Variants in RAP1B observed in about 807,000 individuals in gnomAD.
The protein encoded by RAP1B is ras-related protein Rap-1b.
RAP1B carries 1 observed loss-of-function variant against 27.5 expected under a neutral mutation model. The observed-to-expected ratio is 0.04, with a 90% CI of 0.01 to 0.17. The LOEUF is 0.17. RAP1B is among the 10% of genes least tolerant of loss of function. The pLI, the probability that RAP1B is intolerant of heterozygous loss-of-function variation, is 1.00. For missense variants in RAP1B, 84 were observed against 214.8 expected (o/e 0.39, Z 3.81); for synonymous variants, 75 against 73.1 (o/e 1.03, Z -0.13).
At chr12:68,621,544 A>G (rs1182021733) in intron 1 of RAP1B, 6 of 152,210 alleles carry the variant, frequency 3.9e-5, no homozygotes, top group African/African-American at 1.2e-4. Context: ...CTCTGTTTAG[A>G]TGAAAGTGAT....
At chr12:68,619,486 G>T (rs1871247791) in intron 1 of RAP1B, among the ~76,000 whole-genome samples, 1 of 152,132 alleles carries the variant, frequency 6.6e-6, no homozygotes, top group African/African-American at 2.4e-5. Context: ...CAAAGTGTCA[G>T]CTAGACCAAT....
chr12:68,638,986 T>TA (rs1872813131), intron 1 of RAP1B, among the ~76,000 whole-genome samples: 1 of 152,190 alleles, frequency 6.6e-6, no homozygotes, highest in Non-Finnish European at 1.5e-5. Context: ...ATTCCATTTA[T>TA]GTTTAATTCT....
intron 1 of RAP1B, among the ~76,000 whole-genome samples, chr12:68,616,851 C>T (rs989850198): frequency 6.6e-6 from 1 of 151,964 alleles, no homozygotes; most frequent in East Asian, 2.0e-4. Flanking sequence ...AGGCATGAGC[C>T]ACTGTGCCTG....
chr12:68,654,402 C>G (rs540340201), intron 5 of RAP1B, 150 bp downstream of exon 5: 7 of 601,802 alleles, frequency 1.2e-5, no homozygotes, highest in South Asian at 1.1e-4. Flanking sequence ...GGCAAAAATA[C>G]CCATACATGT....
intron 1 of RAP1B, among the ~76,000 whole-genome samples, chr12:68,620,883 G>T (rs373548135): frequency 6.6e-6 from 1 of 152,062 alleles, no homozygotes; most frequent in Non-Finnish European, 1.5e-5. Context: ...CCACCGCACC[G>T]GTCTGGTTCC....
At position 68,656,242 on chromosome 12, in the gene RAP1B, TTTTGA is replaced by T; in HGVS notation, c.325-58_325-54del. On this transcript the variant is annotated intron_variant, in intron 5 of 7. Coordinates refer to ENST00000250559, the MANE Select transcript of RAP1B (RefSeq NM_001010942.3). ...TTCTTAGATTTGACTCTTAGAATTC[TTTTGA>T]TTTGAATTCATATAGCATATTTACT... is the stretch of plus-strand genomic sequence containing the variant. 6 of 1,407,810 alleles carry T rather than the reference TTTTGA, an allele frequency of 4.3e-6. No individual in the cohort carries two copies. The South Asian group carries it at 6.4e-5, about 15-fold the overall frequency. 87.2% of individuals were successfully genotyped at this position (1,407,810 alleles called of 1,614,324 possible).
intron 1 of RAP1B, among the ~76,000 whole-genome samples, chr12:68,621,050 A>T (rs1871351709): frequency 6.6e-6 from 1 of 152,210 alleles, no homozygotes; most frequent in Admixed American, 6.5e-5. Flanking sequence ...ATGGAGAGAA[A>T]AGATAATTCA....
intron 1 of RAP1B, among the ~76,000 whole-genome samples, chr12:68,612,562 A>T (rs1226200934): frequency 1.3e-5 from 2 of 152,222 alleles, no homozygotes; most frequent in Admixed American, 1.3e-4. Flanking sequence ...AAGAGACAAC[A>T]TGGAGAAAGA....
At chr12:68,616,711 G>C (rs547970366) in intron 1 of RAP1B, among the ~76,000 whole-genome samples, 1 of 152,192 alleles carries the variant, frequency 6.6e-6, no homozygotes, top group Non-Finnish European at 1.5e-5. Context: ...TGGGATTACA[G>C]GCATGAGCCA....
chr12:68,642,734 G>A lies in RAP1B; in HGVS notation c.-26-5965G>A, dbSNP rs1211417931. On this transcript the variant is annotated intron_variant, in intron 1 of 7. Coordinates refer to ENST00000250559, the MANE Select transcript of RAP1B (RefSeq NM_001010942.3). Reference sequence around the variant, plus strand: ...ATCTTTTTCTTCGGCATCCACCTGCGCAGTATATTTATCCTCTGGCACGGG... The same window carrying A: ...ATCTTTTTCTTCGGCATCCACCTGCACAGTATATTTATCCTCTGGCACGGG... 1.0e-4 allele frequency: 112 copies of A among 1,074,404 alleles called. 1 individual carries two copies. Among genetic ancestry groups the A allele is most frequent in the East Asian group, 1.0e-3 (43 of 42,464 alleles). The allele number at this position is 1,074,404 out of a possible 1,614,324, so 66.6% of individuals were successfully genotyped here.
intron 4 of RAP1B, 54 bp downstream of exon 4, chr12:68,652,105 A>G: frequency 1.5e-6 from 2 of 1,352,594 alleles, no homozygotes; most frequent in Non-Finnish European, 2.1e-6. Context: ...TATTGACTTC[A>G]TAAATGCTAG....
At chr12:68,653,770 AC>A (rs1873991596) in intron 4 of RAP1B, among the ~76,000 whole-genome samples, 1 of 152,012 alleles carries the variant, frequency 6.6e-6, no homozygotes, top group Non-Finnish European at 1.5e-5. Flanking sequence ...CTACCGAAAT[AC>A]AAGAAAAAAA....
chr12:68,640,107 G>A (rs1872893219), intron 1 of RAP1B, among the ~76,000 whole-genome samples: 1 of 152,114 alleles, frequency 6.6e-6, no homozygotes, highest in Admixed American at 6.5e-5. Flanking sequence ...CCAGAGTGCT[G>A]GGATTACAGG....
chr12:68,647,377 T>TCCCCCCCCCCCCC (rs1873489897), intron 1 of RAP1B, among the ~76,000 whole-genome samples: 2 of 3,244 alleles, frequency 6.2e-4, no homozygotes, highest in African/African-American at 2.9e-3. Context: ...TGCCCCCCAC[T>TCCCCCCCCCCCCC]CCACTCCCCG....
At position 68,669,141 on chromosome 12, in the gene RAP1B, A is replaced by G. The variant is rs1480445398; in HGVS notation, c.*9892A>G. ...TGCCAAAAATCAATAGCTTTTCTTT[A>G]TATTTATAAAAAATACCTACAAGTT... is the stretch of plus-strand genomic sequence containing the variant. On this transcript the variant is annotated 3_prime_UTR_variant, in exon 8 of 8. Coordinates refer to ENST00000250559, the MANE Select transcript of RAP1B (RefSeq NM_001010942.3). The G allele has an allele frequency of 6.7e-6, 1 of 149,656 alleles. No homozygotes were observed. The highest frequency in any genetic ancestry group is 1.5e-5 in the Non-Finnish European group (1 of 68,040). 9.3% of individuals were successfully genotyped at this position (149,656 alleles called of 1,614,324 possible). A position where few individuals can be genotyped will look rare whatever the true frequency, so the allele number is the denominator to read the frequency against.
chr12:68,642,682 A>G, intron 1 of RAP1B: 1 of 1,137,440 alleles, frequency 8.8e-7, no homozygotes, highest in Non-Finnish European at 1.3e-6. Context: ...CCTTTGAGAG[A>G]GACACCCACT....
intron 1 of RAP1B, chr12:68,642,815 T>C (rs911624872): frequency 2.0e-6 from 2 of 1,020,940 alleles, no homozygotes; most frequent in Non-Finnish European, 3.1e-6. Context: ...CTTGGCCACG[T>C]TGGCCTTGTA....
intron 1 of RAP1B, among the ~76,000 whole-genome samples, chr12:68,624,197 G>A (rs1191392920): frequency 2.6e-5 from 4 of 152,238 alleles, no homozygotes; most frequent in Non-Finnish European, 5.9e-5. Context: ...ATGGAATGCA[G>A]TGCTGAGGGT....
intron 5 of RAP1B, among the ~76,000 whole-genome samples, chr12:68,654,582 A>T (rs1471007258): frequency 2.0e-5 from 3 of 150,736 alleles, no homozygotes; most frequent in Non-Finnish European, 4.4e-5. Context: ...GGTTCACGCC[A>T]TTCTCCTGCC....
Sources: gnomAD v4.1 joint callset for allele counts (sites outside exome capture counted in the v4.1 genomes callset) on GRCh38, gnomAD v4.1.1 for gene constraint, MANE v1.5 for transcripts, NCBI Gene and HGNC (gene_info 2026-07-23, HGNC 2026-07-21) for gene names.